Variants in DPP6 observed in about 807,000 individuals in gnomAD.
The protein encoded by DPP6 is dipeptidyl peptidase like 6.
In DPP6, 69 loss-of-function variants were observed where a neutral mutation model predicts 122.6. The observed-to-expected ratio is 0.56, with a 90% confidence interval of 0.46 to 0.69. DPP6 has a LOEUF of 0.69. DPP6 is among the 30% of genes least tolerant of loss of function. DPP6 has a pLI of 0.00. For missense variants in DPP6, 928 were observed against 1,116.9 expected (o/e 0.83, Z 2.41); for synonymous variants, 418 against 433.1 (o/e 0.97, Z 0.43).
At chr7:154,228,338 A>G (rs1004135232) in intron 1 of DPP6, among the ~76,000 whole-genome samples, 3 of 152,190 alleles carry the variant, frequency 2.0e-5, no homozygotes, top group Non-Finnish European at 4.4e-5. Context: ...TCATCAAACC[A>G]TCTCGAAGTC....
chr7:154,749,742 C>T (rs374259933), intron 8 of DPP6, among the ~76,000 whole-genome samples: 59 of 26,340 alleles, frequency 2.2e-3, no homozygotes, highest in African/African-American at 9.0e-3. Flanking sequence ...GAGCATAGGA[C>T]GGGAAAGAGA....
chr7:154,041,419 T>A (rs1395250761), intron 1 of DPP6, among the ~76,000 whole-genome samples: 1 of 152,244 alleles, frequency 6.6e-6, no homozygotes, highest in East Asian at 1.9e-4. Context: ...TTTTGAGGTT[T>A]CCCCTCTGTA....
the DPP6 span, among the ~76,000 whole-genome samples, chr7:153,860,887 C>A: frequency 6.6e-6 from 1 of 152,132 alleles, no homozygotes; most frequent in Non-Finnish European, 1.5e-5. Context: ...ACACCTAGTA[C>A]CTAAACAAAG....
chr7:154,130,676 G>A (rs976853745), intron 1 of DPP6, among the ~76,000 whole-genome samples: 5 of 152,046 alleles, frequency 3.3e-5, no homozygotes, highest in African/African-American at 7.3e-5. Flanking sequence ...CCCTGCCTCA[G>A]ATCTCACGTC....
At chr7:153,881,953 T>G in the DPP6 span, among the ~76,000 whole-genome samples, 2 of 152,238 alleles carry the variant, frequency 1.3e-5, no homozygotes, top group Admixed American at 1.3e-4. Context: ...TTGTCCATAT[T>G]GTTAATTTGC....
chr7:154,004,443 G>A (rs897766882), intron 1 of DPP6, among the ~76,000 whole-genome samples: 33 of 151,934 alleles, frequency 2.2e-4, no homozygotes, highest in African/African-American at 7.7e-4. Flanking sequence ...TTGTTTTATT[G>A]TTAGATCAGG....
chr7:154,062,292 T>TC lies in DPP6; in HGVS notation c.243+9236dup, dbSNP rs1298144345. ...GGGATTACTGAGAGCCAGTCCCTCT[T>TC]CCCCCCCGGCTCTGAGGACCCCCAT... On this transcript the variant is annotated intron_variant, in intron 1 of 25. Transcript: ENST00000377770. Among the ~76,000 whole-genome samples the TC allele has an allele frequency of 8.4e-4, 44 of 52,644 alleles. 1 individual carries two copies. The highest frequency in any genetic ancestry group is 1.2e-3 in the African/African-American group (14 of 11,762). The allele number at this position is 52,644 out of a possible 152,430, so 34.5% of individuals were successfully genotyped here.
At chr7:154,227,115 T>G (rs1800650356) in intron 1 of DPP6, among the ~76,000 whole-genome samples, 1 of 151,950 alleles carries the variant, frequency 6.6e-6, no homozygotes, top group Admixed American at 6.6e-5. Context: ...GTCAAAGAGA[T>G]ATCTGTACTC....
At chr7:153,970,100 G>A (rs1027582710) in intron 1 of DPP6, among the ~76,000 whole-genome samples, 6 of 152,192 alleles carry the variant, frequency 3.9e-5, no homozygotes, top group African/African-American at 1.4e-4. Context: ...GGACATTTGG[G>A]TTGTTTCCTG....
At chr7:153,761,175 G>A in the DPP6 span, among the ~76,000 whole-genome samples, 1 of 152,102 alleles carries the variant, frequency 6.6e-6, no homozygotes, top group African/African-American at 2.4e-5. Context: ...TGTTTCCTAT[G>A]TTTGTACAAG....
At chr7:154,873,667 C>A (rs751759930) in intron 19 of DPP6, among the ~76,000 whole-genome samples, 1 of 152,196 alleles carries the variant, frequency 6.6e-6, no homozygotes, top group Admixed American at 6.5e-5. Flanking sequence ...TTGCAATTAA[C>A]CCACTTTCCT....
At chr7:154,415,183 G>A (rs1816919831) in intron 1 of DPP6, among the ~76,000 whole-genome samples, 1 of 152,084 alleles carries the variant, frequency 6.6e-6, no homozygotes, top group African/African-American at 2.4e-5. Flanking sequence ...ATACTATCTA[G>A]ACCAAGCAGG....
intron 1 of DPP6, among the ~76,000 whole-genome samples, chr7:153,917,632 G>C (rs191255275): frequency 3.5e-4 from 54 of 152,322 alleles, no homozygotes; most frequent in African/African-American, 1.3e-3. Flanking sequence ...TGGAAAGACA[G>C]AAATGAAGGA....
At chr7:153,865,319 T>G in the DPP6 span, among the ~76,000 whole-genome samples, 11 of 152,294 alleles carry the variant, frequency 7.2e-5, no homozygotes, top group South Asian at 2.3e-3. Flanking sequence ...AGATATTTTT[T>G]GTTGATATTG....
At chr7:154,701,578 C>T (rs376125257) in intron 7 of DPP6, among the ~76,000 whole-genome samples, 142 of 152,254 alleles carry the variant, frequency 9.3e-4, no homozygotes, top group African/African-American at 3.2e-3. Flanking sequence ...GCGTGGTGTG[C>T]GGGGAGTTAC....
chr7:154,573,762 C>A (rs1327468093), intron 5 of DPP6, among the ~76,000 whole-genome samples: 1 of 152,210 alleles, frequency 6.6e-6, no homozygotes, highest in African/African-American at 2.4e-5. Flanking sequence ...CGTGCAGTTT[C>A]ATAATACTGT....
chr7:154,079,147 A>G (rs1419207336), intron 1 of DPP6, among the ~76,000 whole-genome samples: 2 of 152,080 alleles, frequency 1.3e-5, no homozygotes, highest in East Asian at 1.9e-4. Context: ...GTGAGCTGAG[A>G]TCGCACCACT....
At chr7:154,557,100 A>T (rs1200130985) in intron 4 of DPP6, among the ~76,000 whole-genome samples, 1 of 152,152 alleles carries the variant, frequency 6.6e-6, no homozygotes, top group Non-Finnish European at 1.5e-5. Context: ...TTCGACCAAG[A>T]CGGGAAGTTT....
chr7:154,409,704 C>T (rs567610084), intron 1 of DPP6, among the ~76,000 whole-genome samples: 5 of 152,218 alleles, frequency 3.3e-5, no homozygotes, highest in Admixed American at 1.3e-4. Context: ...CTTGCCCTGG[C>T]GCTAAAATCA....
Sources: gnomAD v4.1 joint callset for allele counts (sites outside exome capture counted in the v4.1 genomes callset) on GRCh38, gnomAD v4.1.1 for gene constraint, MANE v1.5 for transcripts, NCBI Gene and HGNC (gene_info 2026-07-23, HGNC 2026-07-21) for gene names.